KIF27: variants seen among roughly 807,000 people sequenced by gnomAD.
KIF27 encodes kinesin family member 27, also known as kinesin-like protein KIF27.
KIF27 carries 84 observed loss-of-function variants against 141.8 expected under a neutral mutation model. The observed-to-expected ratio is 0.59, with a 90% CI of 0.50 to 0.71. The LOEUF (loss-of-function observed/expected upper bound fraction) is 0.71. Ranked by LOEUF, KIF27 falls within the 30% of genes least tolerant of loss-of-function variation. KIF27 has a pLI of 0.00. For missense variants in KIF27, 1,306 were observed against 1,628.4 expected (o/e 0.80, Z 3.41); for synonymous variants, 471 against 569.5 (o/e 0.83, Z 2.46).
Position 83,883,815 on chromosome 9 carries a change from G to C in KIF27, c.2443C>G (p.Gln815Glu), listed in dbSNP as rs1054433149. The C allele has an allele frequency of 6.2e-7, 1 of 1,602,452 alleles. No homozygotes were observed. The highest frequency in any genetic ancestry group is 1.7e-5 in the Admixed American group (1 of 59,734). ...CTCAATTACATTTTTTAAATTACCT[G>C]AACTCTCAGCTTTGCAGCATCCATC... ...KKMDAAKLRV[Q>E]VLQKKQQDSK... The change falls in exon 10 of 18, where the codon CAG becomes GAG. Residue 815 changes from glutamine to glutamate, a missense_variant and splice_region_variant. Physicochemically the swap from Gln to Glu is conservative, Grantham distance 29. Coordinates refer to ENST00000297814, the MANE Select transcript of KIF27 (RefSeq NM_017576.4).
chr9:83,909,531 T>C (rs1455599765), intron 2 of KIF27, among the ~76,000 whole-genome samples: 1 of 151,578 alleles, frequency 6.6e-6, no homozygotes, highest in South Asian at 2.1e-4. Context: ...AGAGAATCAC[T>C]TGAAGCTGGG....
At chr9:83,846,844 C>G (rs1456284971) in intron 16 of KIF27, among the ~76,000 whole-genome samples, 2 of 152,174 alleles carry the variant, frequency 1.3e-5, no homozygotes, top group Non-Finnish European at 2.9e-5. Context: ...AAGATTGCCA[C>G]CTGGACACTT....
At chr9:83,865,551 C>A (rs1009542526) in intron 13 of KIF27, among the ~76,000 whole-genome samples, 7 of 152,182 alleles carry the variant, frequency 4.6e-5, no homozygotes, top group Admixed American at 6.5e-5. Context: ...CCCGCCTTGG[C>A]CTCCCAAAGT....
At chr9:83,912,406 C>A (rs1239790121) in intron 2 of KIF27, among the ~76,000 whole-genome samples, 1 of 152,136 alleles carries the variant, frequency 6.6e-6, no homozygotes, top group Non-Finnish European at 1.5e-5. Context: ...TGTGGGTTTT[C>A]TTCTAATACA....
Position 83,880,475 on chromosome 9 carries a change from T to A in KIF27, c.2465A>T (p.Gln822Leu), listed in dbSNP as rs766356232. The A allele has an allele frequency of 1.4e-5, 23 of 1,611,150 alleles. No homozygotes were observed. Among genetic ancestry groups the A allele is most frequent in the Non-Finnish European group, 1.9e-5 (22 of 1,179,662 alleles). The change falls in exon 11 of 18, where the codon CAA (glutamine) becomes CTA (leucine). Residue 822 changes from glutamine (Q) to leucine (L), a missense_variant. Physicochemically the swap from Gln to Leu is moderately radical, Grantham distance 113. Around this residue, in one of 4 missense-constraint regions of KIF27, gnomAD observed 596 missense variants for 751.6 expected, o/e 0.79. Coordinates refer to ENST00000297814, the MANE Select transcript of KIF27 (RefSeq NM_017576.4). ...LRVQVLQKKQ[Q>L]DSKKLASLSI... ...CAGTGATGCCAGTTTCTTACTATCT[T>A]GTTGCTTCTTCTGCAAGACCTGAGA...
rs1354264977 is a variant in KIF27, at chr9:83,850,254, T to C, written c.3401A>G (p.Asn1134Ser). 1 of 1,613,892 alleles carries C rather than the reference T, an allele frequency of 6.2e-7. No homozygotes were observed. Residue 1134 changes from asparagine (N) to serine (S), a missense_variant, in exon 16 of 18, where the codon AAT (asparagine) becomes AGT (serine). Physicochemically the swap from Asn to Ser is conservative, Grantham distance 46. Coordinates refer to ENST00000297814, the MANE Select transcript of KIF27 (RefSeq NM_017576.4). ...REAERKQQLYNEEMKMKVLER... is the reference protein window; with the variant it reads ...REAERKQQLYSEEMKMKVLER... ...CAGAACTTTCATTTTCATTTCTTCA[T>C]TATATAACTGTTGTTTCCGTTCAGC...
rs1006145025 is a variant in KIF27 at position 83,865,945 on chromosome 9, C to T, written c.2934+1739G>A. Among the ~76,000 whole-genome samples, 20 of 152,070 alleles carry T rather than the reference C, an allele frequency of 1.3e-4. 1 individual carries two copies. Among genetic ancestry groups the T allele is most frequent in the South Asian group, 6.2e-4 (3 of 4,818 alleles). On this transcript the variant is annotated intron_variant, in intron 13 of 17. Coordinates refer to ENST00000297814, the MANE Select transcript of KIF27 (RefSeq NM_017576.4). Reference sequence around the variant, plus strand: ...ATGTTTCAGAAAATATGCCAATCTCCGGCTAGGAAGTATAAATCTGGCTGC... The same window carrying T: ...ATGTTTCAGAAAATATGCCAATCTCTGGCTAGGAAGTATAAATCTGGCTGC...
intron 13 of KIF27, chr9:83,863,750 G>A (rs1950133193): frequency 6.6e-6 from 1 of 152,186 alleles, no homozygotes; most frequent in Non-Finnish European, 1.5e-5. Context: ...CAGAAGGAAT[G>A]GTACCAGCTC....
intron 9 of KIF27, among the ~76,000 whole-genome samples, chr9:83,884,501 T>C (rs1588157307): frequency 6.6e-6 from 1 of 152,300 alleles, no homozygotes; most frequent in East Asian, 1.9e-4. Flanking sequence ...GTTATCAAGA[T>C]TTTGTCACAG....
chr9:83,890,763 C>T (rs1015255255), intron 6 of KIF27, among the ~76,000 whole-genome samples: 1 of 152,206 alleles, frequency 6.6e-6, no homozygotes, highest in African/African-American at 2.4e-5. Flanking sequence ...ACTCATGAAT[C>T]TGCTAATTAC....
intron 3 of KIF27, among the ~76,000 whole-genome samples, chr9:83,906,354 T>C (rs1954528918): frequency 6.6e-6 from 1 of 152,242 alleles, no homozygotes; most frequent in South Asian, 2.1e-4. Context: ...AAAGCCATCT[T>C]ACTTTCCTAA....
chr9:83,871,577 A>G (rs73463327), intron 11 of KIF27, among the ~76,000 whole-genome samples: 20,329 of 152,196 alleles, frequency 0.13, 1,441 homozygotes, highest in African/African-American at 0.14. Flanking sequence ...GCAAAAAGAA[A>G]AGTAATGTTC....
intron 13 of KIF27, 182 bp from the exon 14 acceptor site, chr9:83,859,553 T>C (rs1405540487): frequency 1.8e-6 from 1 of 567,370 alleles, no homozygotes. Context: ...GTTTTTGACA[T>C]GGAGTTTTGC....
intron 5 of KIF27, among the ~76,000 whole-genome samples, chr9:83,892,824 A>T (rs1952807264): frequency 6.6e-6 from 1 of 152,232 alleles, no homozygotes; most frequent in African/African-American, 2.4e-5. Flanking sequence ...AAATGATTAA[A>T]AGAGCAATTC....
At chr9:83,859,697 A>C (rs1380075437) in intron 13 of KIF27, 1 of 246,684 alleles carries the variant, frequency 4.1e-6, no homozygotes, top group East Asian at 1.0e-4. Context: ...ATGTGCAGCT[A>C]ATTTTTTGTA....
At chr9:83,842,519 G>A (rs2131508600) in intron 16 of KIF27, 118 bp from the exon 17 acceptor site, 1 of 1,297,896 alleles carries the variant, frequency 7.7e-7, no homozygotes, top group East Asian at 3.0e-5. Context: ...CTAGAGTGCA[G>A]TGGCGTGATA....
intron 13 of KIF27, among the ~76,000 whole-genome samples, chr9:83,863,249 G>C (rs1049291951): frequency 1.3e-5 from 2 of 152,116 alleles, no homozygotes; most frequent in Non-Finnish European, 2.9e-5. Flanking sequence ...TCCCTGTCTT[G>C]TGCCAGTTTT....
chr9:83,861,093 C>G (rs928612084), intron 13 of KIF27, among the ~76,000 whole-genome samples: 2 of 151,774 alleles, frequency 1.3e-5, no homozygotes, highest in African/African-American at 4.8e-5. Flanking sequence ...CTTTCAGGAC[C>G]TTCTTTTTTC....
intron 2 of KIF27, among the ~76,000 whole-genome samples, chr9:83,909,258 T>G (rs1000615522): frequency 2.0e-5 from 3 of 152,102 alleles, no homozygotes; most frequent in African/African-American, 4.8e-5. Context: ...CGAGAGATGC[T>G]TGCAACTTTA....
Sources: allele counts gnomAD v4.1 joint callset (sites outside exome capture counted in the v4.1 genomes callset), GRCh38; gene constraint gnomAD v4.1.1; regional missense constraint gnomAD v4.1.1; transcripts MANE v1.5; gene names NCBI Gene and HGNC (gene_info 2026-07-23, HGNC 2026-07-21).